The following CSMD1 variants were observed in gnomAD, a reference collection of about 807,000 sequenced individuals.
The protein encoded by CSMD1 is CUB and sushi domain-containing protein 1.
A neutral mutation model predicts 417.5 loss-of-function variants in CSMD1; 213 were observed. That is an observed-to-expected ratio of 0.51 (90% confidence interval 0.46 to 0.57). CSMD1 has a LOEUF of 0.57. Among genes scored for constraint, CSMD1 ranks in the 20% least tolerant of loss-of-function variants. The pLI is 0.00. For missense variants in CSMD1, 6,923 were observed against 4,529.7 expected (o/e 1.53, Z -15.17); for synonymous variants, 2,862 against 1,736.8 (o/e 1.65, Z -16.11).
chr8:4,379,695 CAACAATGGCGGGAAGAGGGCAAT>C (rs1563112741), intron 3 of CSMD1, among the ~76,000 whole-genome samples: 2 of 59,168 alleles, frequency 3.4e-5, no homozygotes, highest in African/African-American at 8.0e-5. Flanking sequence ...GGCAATGAAG[CAACAATGGCGGGAAGAGGGCAAT>C]GAAGCAACAG....
chr8:4,234,536 T>G (rs1801932149), intron 3 of CSMD1, among the ~76,000 whole-genome samples: 1 of 152,342 alleles, frequency 6.6e-6, no homozygotes, highest in South Asian at 2.1e-4. Context: ...TAAATGTTCC[T>G]ATCCCATCTT....
chr8:3,668,432 G>C (rs1798816708), intron 7 of CSMD1, among the ~76,000 whole-genome samples: 1 of 152,146 alleles, frequency 6.6e-6, no homozygotes, highest in Admixed American at 6.5e-5. Context: ...AGTGTAAGCT[G>C]AAGAGATGAG....
In CSMD1 at chr8:3,052,484, C is replaced by T. The variant is rs35098282; in HGVS notation, c.7638G>A (p.Lys2546=). 217 of 1,585,862 alleles carry T rather than the reference C, an allele frequency of 1.4e-4. 1 individual carries two copies. In the African/African-American group the frequency reaches 2.6e-3, roughly 19 times the overall value. The part of the protein sequence containing the change: ...VCQEDGLWSN[K]GKPPTCKPVA... The stretch of plus-strand genomic sequence containing the variant: ...TACGCTTACACGTGGGCGGCTTCCC[C>T]TTGTTACTCCACAACCCATCTTCTT... Residue 2546 remains lysine, a synonymous_variant, in exon 50 of 70, where the codon AAG becomes AAA. Transcript: ENST00000635120.
intron 2 of CSMD1, among the ~76,000 whole-genome samples, chr8:4,453,235 ACACACACACT>A (rs1799258877): frequency 6.9e-6 from 1 of 145,540 alleles, no homozygotes; most frequent in African/African-American, 2.5e-5. Context: ...ACACACACAC[ACACACACACT>A]GAACCTCCTA....
chr8:3,240,741 G>C (rs572657201), intron 26 of CSMD1, among the ~76,000 whole-genome samples: 1 of 152,250 alleles, frequency 6.6e-6, no homozygotes, highest in Non-Finnish European at 1.5e-5. Flanking sequence ...GAGGTATCGA[G>C]GTTAGGAGAG....
At chr8:4,385,955 C>G (rs1803420437) in intron 3 of CSMD1, among the ~76,000 whole-genome samples, 1 of 152,148 alleles carries the variant, frequency 6.6e-6, no homozygotes, top group Non-Finnish European at 1.5e-5. Context: ...GATACCCAAC[C>G]CAGAGCATCA....
At position 3,408,186 on chromosome 8, in the gene CSMD1, A is replaced by G; in HGVS notation, c.1784T>C (p.Ile595Thr). The G allele has an allele frequency of 6.2e-7, 1 of 1,611,352 alleles. No individual in the cohort carries two copies. Among genetic ancestry groups the G allele is most frequent in the Non-Finnish European group, 8.5e-7 (1 of 1,178,332 alleles). Reference sequence around the variant, plus strand: ...TTCCTCTGGATAATTTGGTGACAGAATAATCCCAGATGATGCCGTAAAGTT... The same window carrying G: ...TTCCTCTGGATAATTTGGTGACAGAGTAATCCCAGATGATGCCGTAAAGTT... ...FFNFTASSGIILSPNYPEEYG... is the reference protein window; with the variant it reads ...FFNFTASSGITLSPNYPEEYG... Residue 595 changes from isoleucine to threonine, a missense_variant, in exon 14 of 70, where the codon ATT (isoleucine) becomes ACT (threonine). By Grantham distance (89) the Ile-to-Thr change is moderately conservative (BLOSUM62 -1). Transcript: ENST00000635120.
At chr8:3,893,339 T>TTATATATGTATGTATATATATATA in intron 5 of CSMD1, among the ~76,000 whole-genome samples, 1 of 80,440 alleles carries the variant, frequency 1.2e-5, no homozygotes, top group East Asian at 3.3e-4. Flanking sequence ...ATTCACAATT[T>TTATATATGTATGTATATATATATA]TATATATATA....
At chr8:3,024,903 C>G (rs1352532713) in intron 51 of CSMD1, among the ~76,000 whole-genome samples, 1 of 152,248 alleles carries the variant, frequency 6.6e-6, no homozygotes, top group African/African-American at 2.4e-5. Flanking sequence ...TCGTACTGTT[C>G]CCTCCACTGC....
At chr8:3,614,275 A>C (rs911214870) in intron 8 of CSMD1, among the ~76,000 whole-genome samples, 12 of 152,152 alleles carry the variant, frequency 7.9e-5, no homozygotes, top group Non-Finnish European at 1.8e-4. Flanking sequence ...CTGAGATAAG[A>C]TTCTACAGAA....
chr8:4,311,549 C>G (rs1043501848), intron 3 of CSMD1, among the ~76,000 whole-genome samples: 2 of 151,708 alleles, frequency 1.3e-5, no homozygotes, highest in South Asian at 2.1e-4. Context: ...ACGGTGAAAC[C>G]CTGTCTCTAC....
chr8:4,573,634 G>A (rs539208232), intron 2 of CSMD1, among the ~76,000 whole-genome samples: 1 of 152,128 alleles, frequency 6.6e-6, no homozygotes. Context: ...CTTTCCCTTA[G>A]CAGAGCTTGA....
At chr8:3,989,600 G>C (rs543392679) in intron 5 of CSMD1, among the ~76,000 whole-genome samples, 1 of 152,198 alleles carries the variant, frequency 6.6e-6, no homozygotes, top group South Asian at 2.1e-4. Context: ...AGATTTCTCA[G>C]GTGCCATCTA....
rs1460747024 is a variant in CSMD1, at chr8:3,218,388, C to T, written c.4672+867G>A. Reference sequence around the variant, plus strand: ...CATCCTGGCTAACACTGTGAAACCCCGTCTCTACTAAAAATACAAAAAATC... The same window carrying T: ...CATCCTGGCTAACACTGTGAAACCCTGTCTCTACTAAAAATACAAAAAATC... On this transcript the variant is annotated intron_variant, in intron 29 of 69. Transcript: ENST00000635120. Among the ~76,000 whole-genome samples the T allele has an allele frequency of 2.0e-5, 3 of 150,856 alleles. 1 individual carries two copies. The highest frequency in any genetic ancestry group is 4.2e-4 in the South Asian group (2 of 4,750).
chr8:4,440,196 T>C (rs1221783870), intron 2 of CSMD1, among the ~76,000 whole-genome samples: 6 of 152,314 alleles, frequency 3.9e-5, no homozygotes, highest in Non-Finnish European at 7.4e-5. Flanking sequence ...AATCTTTTGA[T>C]CCAGCAACCT....
At chr8:4,351,560 G>C (rs921955972) in intron 3 of CSMD1, among the ~76,000 whole-genome samples, 1 of 152,150 alleles carries the variant, frequency 6.6e-6, no homozygotes. Context: ...CGGTCAGTTT[G>C]GCTTTAAAAT....
intron 3 of CSMD1, among the ~76,000 whole-genome samples, chr8:4,108,449 A>G (rs987264740): frequency 1.3e-5 from 2 of 152,172 alleles, no homozygotes; most frequent in East Asian, 1.9e-4. Flanking sequence ...TTTGCTCATG[A>G]AGGGCTCTGC....
chr8:3,775,865 C>T (rs967595764), intron 5 of CSMD1, among the ~76,000 whole-genome samples: 1 of 152,196 alleles, frequency 6.6e-6, no homozygotes, highest in African/African-American at 2.4e-5. Context: ...AGGATGGGTC[C>T]TGAGACCTCT....
intron 1 of CSMD1, among the ~76,000 whole-genome samples, chr8:4,931,079 A>C (rs1490855718): frequency 2.6e-5 from 4 of 152,236 alleles, no homozygotes; most frequent in Non-Finnish European, 5.9e-5. Flanking sequence ...TGGCTTGGAA[A>C]TTCAGGCAAT....
Sources: gnomAD v4.1 joint callset for allele counts (sites outside exome capture counted in the v4.1 genomes callset) on GRCh38, gnomAD v4.1.1 for gene constraint, MANE v1.5 for transcripts, NCBI Gene and HGNC (gene_info 2026-07-23, HGNC 2026-07-21) for gene names.